Variants in OS9 observed in about 807,000 individuals in gnomAD.
The protein encoded by OS9 is OS9 endoplasmic reticulum lectin.
A neutral mutation model predicts 84.7 loss-of-function variants in OS9; 58 were observed. That is an observed-to-expected ratio of 0.68 (90% CI 0.55 to 0.85). The LOEUF (loss-of-function observed/expected upper bound fraction) is 0.85. Among genes scored for constraint, OS9 ranks in the 40% least tolerant of loss-of-function variants. The pLI is 0.00. For synonymous variants in OS9, 278 were observed against 320.8 expected, an observed-to-expected ratio of 0.87 and a Z score of 1.43; for missense variants, 760 against 850.9, an observed-to-expected ratio of 0.89 and a Z score of 1.33.
chr12:57,707,516 C>T lies in OS9; in HGVS notation c.580-8244C>T, dbSNP rs141451709. On this transcript the variant is annotated intron_variant, in intron 5 of 14. Coordinates refer to ENST00000315970, the MANE Select transcript of OS9 (RefSeq NM_006812.4). ...TCTCTTGAGAACTCACTCACTGTCA[C>T]GAGAAAGCACCAAGGGGATGGTGCT... is the stretch of plus-strand genomic sequence containing the variant. Among the ~76,000 whole-genome samples the T allele has an allele frequency of 7.8e-4, 119 of 152,238 alleles. No homozygotes were observed. In the East Asian group the frequency reaches 0.016, roughly 21 times the overall value.
At chr12:57,709,672 A>G (rs763130339) in intron 5 of OS9, among the ~76,000 whole-genome samples, 6 of 152,324 alleles carry the variant, frequency 3.9e-5, no homozygotes, top group Non-Finnish European at 8.8e-5. Flanking sequence ...AACTCTGTTA[A>G]TATTCCCACT....
intron 5 of OS9, among the ~76,000 whole-genome samples, chr12:57,705,544 T>C (rs889423079): frequency 6.6e-6 from 1 of 152,198 alleles, no homozygotes; most frequent in African/African-American, 2.4e-5. Flanking sequence ...TTTATTATTA[T>C]TATTTTTTGA....
chr12:57,704,290 A>T (rs752547704), intron 5 of OS9, among the ~76,000 whole-genome samples: 14 of 151,980 alleles, frequency 9.2e-5, no homozygotes, highest in Admixed American at 1.3e-4. Context: ...TAATCCCAGC[A>T]CTTTGGGAGG....
At chr12:57,710,814 C>T (rs541584828) in intron 5 of OS9, among the ~76,000 whole-genome samples, 42 of 152,044 alleles carry the variant, frequency 2.8e-4, no homozygotes, top group African/African-American at 8.9e-4. Flanking sequence ...CCGAGGCAGG[C>T]GGACCACCTG....
chr12:57,718,171 A>G lies in OS9; in HGVS notation c.1160A>G (p.Gln387Arg). Residue 387 changes from glutamine (Q) to arginine (R), a missense_variant, in exon 11 of 15, where the codon CAG (glutamine) becomes CGG (arginine). Gln to Arg is a conservative substitution (Grantham distance 43). Coordinates refer to ENST00000315970, the MANE Select transcript of OS9 (RefSeq NM_006812.4). ...KKGKPNIGQE[Q>R]PVDDAAEVPQ... ...GGGAAGCCAAATATAGGCCAAGAGC[A>G]GCCTGTGGATGATGCTGCAGAAGTC... The G allele has an allele frequency of 6.2e-7, 1 of 1,614,120 alleles. No homozygotes were observed. The highest frequency in any genetic ancestry group is 8.5e-7 in the Non-Finnish European group (1 of 1,180,006).
At chr12:57,702,038 G>A (rs141557377) in intron 5 of OS9, among the ~76,000 whole-genome samples, 155 of 150,872 alleles carry the variant, frequency 1.0e-3, no homozygotes, top group Middle Eastern at 3.5e-3. Flanking sequence ...ATTGTGATCC[G>A]TCCACCTTGG....
chr12:57,695,550 T>C (rs1339013464), intron 2 of OS9: 3 of 697,064 alleles, frequency 4.3e-6, no homozygotes, highest in Middle Eastern at 2.3e-4. Flanking sequence ...AAGGGAGGAA[T>C]GGAAAGACCA....
chr12:57,699,438 A>G (rs951270777), intron 5 of OS9, among the ~76,000 whole-genome samples: 3 of 152,178 alleles, frequency 2.0e-5, no homozygotes, highest in African/African-American at 7.2e-5. Context: ...CATGGGAAGA[A>G]GAGGGTTTTG....
In OS9 at chr12:57,720,453, G is replaced by A. The variant is rs1954644175; in HGVS notation, c.1813G>A (p.Glu605Lys). ...IVRPWAEGTE[E>K]GARWLTDEDT... The stretch of plus-strand genomic sequence containing the variant: ...CCGCCCATGGGCTGAAGGGACTGAA[G>A]AGGGTGCACGTTGGCTGACTGATGA... The change falls in exon 14 of 15, where the codon GAG becomes AAG. Residue 605 changes from glutamate to lysine, a missense_variant. Physicochemically the swap from Glu to Lys is moderately conservative, Grantham distance 56. Transcript: ENST00000315970. 2 of 1,614,064 alleles carry A rather than the reference G, an allele frequency of 1.2e-6. No individual in the cohort carries two copies. Among genetic ancestry groups the A allele is most frequent in the African/African-American group, 2.7e-5 (2 of 74,952 alleles).
At chr12:57,699,509 A>G (rs544678770) in intron 5 of OS9, among the ~76,000 whole-genome samples, 112 of 152,336 alleles carry the variant, frequency 7.4e-4, no homozygotes, top group African/African-American at 2.6e-3. Context: ...GACACATTTG[A>G]AGGGGAAATT....
At chr12:57,697,932 C>CGGA (rs1565767213) in intron 5 of OS9, among the ~76,000 whole-genome samples, 2 of 113,050 alleles carry the variant, frequency 1.8e-5, no homozygotes, top group African/African-American at 6.5e-5. Context: ...CATACACACA[C>CGGA]ACACACACAC....
chr12:57,696,461 G>T, intron 5 of OS9, 88 bp downstream of exon 5: 1 of 270,418 alleles, frequency 3.7e-6, no homozygotes, highest in Non-Finnish European at 7.9e-6. Context: ...TCGGGGCGGG[G>T]GCGGGGGGGG....
chr12:57,706,579 T>A (rs1446125433), intron 5 of OS9, among the ~76,000 whole-genome samples: 1 of 152,082 alleles, frequency 6.6e-6, no homozygotes, highest in Non-Finnish European at 1.5e-5. Context: ...GGGTCGGGTG[T>A]GGTGGCTCAT....
rs146270248 is a variant in OS9, at chr12:57,708,049, C to T, written c.580-7711C>T. Among the ~76,000 whole-genome samples, 386 of 151,792 alleles carry T rather than the reference C, an allele frequency of 2.5e-3. 1 individual carries two copies. Among genetic ancestry groups the T allele is most frequent in the African/African-American group, 9.0e-3 (371 of 41,382 alleles). On this transcript the variant is annotated intron_variant, in intron 5 of 14. Transcript: ENST00000315970. ...TCAAGGCTACAGTGAGCTATGAACA[C>T]ACCACTGCACTCCAGCTTGGTGACA...
In OS9 at chr12:57,716,394, C is replaced by A; in HGVS notation, c.893-18C>A. ...CCCCTCCTGTCAGATCAGTCTCTCC[C>A]TGTTCTCTGTACCCTAGGTGCGAGC... On this transcript the variant is annotated intron_variant, in intron 7 of 14. Coordinates refer to ENST00000315970, the MANE Select transcript of OS9 (RefSeq NM_006812.4). The A allele has an allele frequency of 6.5e-7, 1 of 1,542,322 alleles. No homozygotes were observed. The highest frequency in any genetic ancestry group is 1.2e-5 in the South Asian group (1 of 83,918).
chr12:57,716,838 G>A (rs1954515997), intron 9 of OS9, 94 bp downstream of exon 9: 2 of 1,131,274 alleles, frequency 1.8e-6, no homozygotes, highest in African/African-American at 3.1e-5. Context: ...AGGGAGGTTG[G>A]GTAGCCAGGC....
Position 57,715,680 on chromosome 12 carries a change from T to C in OS9, c.580-80T>C. ...ACAATGCTTGACAGATAATCAGTGC[T>C]TAGTAAAAGACACCTGCTCTAATAA... On this transcript the variant is annotated intron_variant, in intron 5 of 14. Coordinates refer to ENST00000315970, the MANE Select transcript of OS9 (RefSeq NM_006812.4). 6 of 975,094 alleles carry C rather than the reference T, an allele frequency of 6.2e-6. No homozygotes were observed. The South Asian group carries it at 6.2e-5, about 10-fold the overall frequency. The allele number at this position is 975,094 out of a possible 1,614,324, so 60.4% of individuals were successfully genotyped here.
At chr12:57,714,025 T>A (rs1172919032) in intron 5 of OS9, among the ~76,000 whole-genome samples, 1 of 151,894 alleles carries the variant, frequency 6.6e-6, no homozygotes, top group Non-Finnish European at 1.5e-5. Context: ...GAAGATTGCT[T>A]GGACCTAGGA....
At chr12:57,696,143 G>T in intron 4 of OS9, 105 bp downstream of exon 4, 1 of 1,217,000 alleles carries the variant, frequency 8.2e-7, no homozygotes, top group Non-Finnish European at 1.2e-6. Context: ...TTGGGGCTTG[G>T]TGGCCATTAG....
Sources: gnomAD v4.1 joint callset for allele counts (sites outside exome capture counted in the v4.1 genomes callset) on GRCh38, gnomAD v4.1.1 for gene constraint, MANE v1.5 for transcripts, NCBI Gene and HGNC (gene_info 2026-07-23, HGNC 2026-07-21) for gene names.